SNAP91: variants seen among roughly 807,000 people sequenced by gnomAD.
The protein encoded by SNAP91 is synaptosome associated protein 91.
A neutral mutation model predicts 100.3 loss-of-function variants in SNAP91; 27 were observed. That is an observed-to-expected ratio of 0.27 (90% confidence interval 0.20 to 0.37). The LOEUF (loss-of-function observed/expected upper bound fraction) is 0.37. SNAP91 is among the 10% of genes least tolerant of loss of function. The probability of loss-of-function intolerance (pLI) is 1.00; values close to 1 mark genes in which losing one functional copy is unlikely to be tolerated. For missense variants in SNAP91, 986 were observed against 1,123.7 expected (o/e 0.88, Z 1.75); for synonymous variants, 404 against 398.6 (o/e 1.01, Z -0.16).
rs555493963 is a variant in SNAP91 at position 83,565,803 on chromosome 6, T to C, written c.2443-4856A>G. 3.3e-5 allele frequency among the ~76,000 whole-genome samples: 5 copies of C among 152,122 alleles called. No homozygotes were observed. In the South Asian group the frequency reaches 6.2e-4, roughly 19 times the overall value. On this transcript the variant is annotated intron_variant, in intron 26 of 29. Coordinates refer to ENST00000369694, the MANE Select transcript of SNAP91 (RefSeq NM_001242792.2). ...TAGAATGATATAATAAATAATGAAA[T>C]GAAAAATAACAATTGTTGGGAGGAT...
At chr6:83,598,400 T>C (rs940526301) in intron 16 of SNAP91, among the ~76,000 whole-genome samples, 3 of 152,172 alleles carry the variant, frequency 2.0e-5, no homozygotes, top group Non-Finnish European at 4.4e-5. Flanking sequence ...TACTTGTGTA[T>C]CAATAAGAAT....
At chr6:83,607,136 CT>C (rs1457138495) in intron 13 of SNAP91, among the ~76,000 whole-genome samples, 1 of 152,208 alleles carries the variant, frequency 6.6e-6, no homozygotes, top group East Asian at 1.9e-4. Context: ...GAGGACACAC[CT>C]ATGAGCTGGG....
chr6:83,631,989 G>C (rs2097224368), intron 8 of SNAP91, among the ~76,000 whole-genome samples: 1 of 152,088 alleles, frequency 6.6e-6, no homozygotes, highest in South Asian at 2.1e-4. Flanking sequence ...TGTGTTTCCA[G>C]AATTTGTTTC....
intron 26 of SNAP91, among the ~76,000 whole-genome samples, chr6:83,564,869 C>A (rs945399103): frequency 6.6e-6 from 1 of 151,556 alleles, no homozygotes; most frequent in Non-Finnish European, 1.5e-5. Context: ...AAATATGACA[C>A]CAAAAGCACA....
Position 83,560,153 on chromosome 6 carries a change from T to C in SNAP91, c.2582A>G (p.Gln861Arg), listed in dbSNP as rs750837561. The C allele has an allele frequency of 6.2e-7, 1 of 1,613,948 alleles. No individual in the cohort carries two copies. Among genetic ancestry groups the C allele is most frequent in the South Asian group, 1.1e-5 (1 of 91,074 alleles). The change falls in exon 28 of 30, where the codon CAG (glutamine) becomes CGG (arginine). Residue 861 changes from glutamine (Q) to arginine (R), a missense_variant. Gln to Arg is a conservative substitution (Grantham distance 43, BLOSUM62 1). This residue lies in a region of SNAP91 where 71 missense variants were observed against 68.5 expected (regional missense o/e 1.04). Transcript: ENST00000369694. ...MMPQQPVMFA[Q>R]PMMRPPFGAA... ...TCCAAAGGGGGGCCTCATCATGGGC[T>C]GTGCAAACATGACCGGCTGCTGAGG...
chr6:83,575,491 C>T (rs1175459153), intron 25 of SNAP91: 1 of 261,828 alleles, frequency 3.8e-6, no homozygotes, highest in Admixed American at 5.6e-5. Flanking sequence ...CTGATGATGG[C>T]ACTTTCTGGA....
intron 2 of SNAP91, among the ~76,000 whole-genome samples, chr6:83,702,066 C>T (rs2099319964): frequency 6.6e-6 from 1 of 152,182 alleles, no homozygotes; most frequent in African/African-American, 2.4e-5. Flanking sequence ...AGAAAAAACA[C>T]AGCCAACATT....
At chr6:83,670,837 CT>C (rs2098772537) in intron 2 of SNAP91, among the ~76,000 whole-genome samples, 1 of 145,092 alleles carries the variant, frequency 6.9e-6, no homozygotes, top group African/African-American at 2.4e-5. Context: ...TCTTTTAGGA[CT>C]CTTTATTCTG....
At chr6:83,678,874 C>T in intron 2 of SNAP91, 1 of 1,229,822 alleles carries the variant, frequency 8.1e-7, no homozygotes, top group South Asian at 1.4e-5. Context: ...AGGAATACAA[C>T]TTTAGTTCTC....
intron 26 of SNAP91, among the ~76,000 whole-genome samples, chr6:83,565,587 G>A (rs1281037499): frequency 6.6e-6 from 1 of 152,072 alleles, no homozygotes; most frequent in Non-Finnish European, 1.5e-5. Context: ...TCAGTCCAAT[G>A]TTCACAGCCC....
chr6:83,668,625 A>C (rs2098730044), intron 2 of SNAP91, among the ~76,000 whole-genome samples: 1 of 152,154 alleles, frequency 6.6e-6, no homozygotes, highest in East Asian at 1.9e-4. Flanking sequence ...GTGGGAATTG[A>C]AGAATGAGAA....
chr6:83,572,796 T>C (rs887785794), intron 26 of SNAP91, among the ~76,000 whole-genome samples: 1 of 152,216 alleles, frequency 6.6e-6, no homozygotes, highest in Admixed American at 6.5e-5. Flanking sequence ...GGAAAATTAA[T>C]TCCTTTACTT....
At chr6:83,660,273 A>C (rs1210993471) in intron 5 of SNAP91, among the ~76,000 whole-genome samples, 1 of 152,222 alleles carries the variant, frequency 6.6e-6, no homozygotes, top group Non-Finnish European at 1.5e-5. Context: ...TATGAACTAG[A>C]ATCATCTCTC....
intron 6 of SNAP91, 63 bp from the exon 7 acceptor site, chr6:83,656,928 A>G (rs1201396977): frequency 1.4e-6 from 1 of 700,312 alleles, no homozygotes; most frequent in Admixed American, 3.2e-5. Flanking sequence ...TTCTTGAATC[A>G]CATTAAAATG....
chr6:83,617,806 ATCTATTCC>A lies in SNAP91; in HGVS notation c.808-775_808-768del, dbSNP rs530731756. On this transcript the variant is annotated intron_variant, in intron 9 of 29. Coordinates refer to ENST00000369694, the MANE Select transcript of SNAP91 (RefSeq NM_001242792.2). The stretch of plus-strand genomic sequence containing the variant: ...TAGGTTCACGCAAATTTTTCACCCA[ATCTATTCC>A]TTAAGCATTAGAGATTTCATTTCAT... Among the ~76,000 whole-genome samples, 463 of 151,606 alleles carry A rather than the reference ATCTATTCC, an allele frequency of 3.1e-3. 2 individuals carry two copies. The highest frequency in any genetic ancestry group is 0.011 in the African/African-American group (436 of 41,186).
intron 2 of SNAP91, chr6:83,686,016 A>C (rs1312564602): frequency 4.6e-6 from 1 of 215,842 alleles, no homozygotes; most frequent in African/African-American, 2.4e-5. Context: ...CTACAAGGAA[A>C]GCATTTTCAG....
chr6:83,702,154 T>C (rs2099321496), intron 2 of SNAP91, among the ~76,000 whole-genome samples: 1 of 152,210 alleles, frequency 6.6e-6, no homozygotes. Flanking sequence ...ATAAATGTTT[T>C]TAATGGCAAG....
At chr6:83,637,537 A>G (rs2097511755) in intron 8 of SNAP91, among the ~76,000 whole-genome samples, 1 of 152,190 alleles carries the variant, frequency 6.6e-6, no homozygotes, top group Admixed American at 6.5e-5. Context: ...CTCTGACCCA[A>G]CAGGTCTTCC....
chr6:83,642,788 T>G lies in SNAP91; in HGVS notation c.659-1586A>C, dbSNP rs541641679. On this transcript the variant is annotated intron_variant, in intron 7 of 29. Coordinates refer to ENST00000369694, the MANE Select transcript of SNAP91 (RefSeq NM_001242792.2). ...ACACTGTCTTCCACAATGGTTGAAC[T>G]AGTTTACAGTCCCATCAACAGTGTA... Among the ~76,000 whole-genome samples the G allele has an allele frequency of 2.9e-3, 437 of 152,316 alleles. 1 individual carries two copies. The highest frequency in any genetic ancestry group is 0.01 in the African/African-American group (425 of 41,572).
Sources: gnomAD v4.1 joint callset for allele counts (sites outside exome capture counted in the v4.1 genomes callset) on GRCh38, gnomAD v4.1.1 for gene constraint, gnomAD v4.1.1 regional missense constraint, MANE v1.5 for transcripts, NCBI Gene and HGNC (gene_info 2026-07-23, HGNC 2026-07-21) for gene names.